Variants in PBX3 observed in about 807,000 individuals in gnomAD.
The protein encoded by PBX3 is pre-B-cell leukemia transcription factor 3.
Under a neutral mutation model 48.5 loss-of-function variants are expected in PBX3, and 14 were observed. The observed-to-expected ratio is 0.29, with a 90% CI of 0.19 to 0.45. PBX3 has a LOEUF of 0.45. PBX3 is among the 20% of genes least tolerant of loss of function. PBX3 has a pLI of 1.00. For missense variants in PBX3, 386 were observed against 546.7 expected (o/e 0.71, Z 2.93); for synonymous variants, 210 against 200.3 (o/e 1.05, Z -0.41).
At position 125,965,742 on chromosome 9, in the gene PBX3, T is replaced by C. The variant is rs1410012152; in HGVS notation, c.1213-89T>C. 7 of 957,958 alleles carry C rather than the reference T, an allele frequency of 7.3e-6. No individual in the cohort carries two copies. In the East Asian group the frequency reaches 1.7e-4, roughly 23 times the overall value. The allele number at this position is 957,958 out of a possible 1,614,324, so 59.3% of individuals were successfully genotyped here. A position where few individuals can be genotyped will look rare whatever the true frequency, so the allele number is the denominator to read the frequency against. ...AAAATACATTTTGCTAATGCATCTC[T>C]GCTCTCATGTTGTCATCCGGGTGTT... is the stretch of plus-strand genomic sequence containing the variant. On this transcript the variant is annotated intron_variant, in intron 8 of 8. Coordinates refer to ENST00000373489, the MANE Select transcript of PBX3 (RefSeq NM_006195.6).
At chr9:125,810,290 G>A (rs186109344) in intron 2 of PBX3, among the ~76,000 whole-genome samples, 49 of 152,048 alleles carry the variant, frequency 3.2e-4, no homozygotes, top group Non-Finnish European at 1.5e-5. Flanking sequence ...TTCTCAAGGG[G>A]CTTACAATTT....
At chr9:125,796,639 T>A (rs1352763617) in intron 2 of PBX3, among the ~76,000 whole-genome samples, 1 of 152,184 alleles carries the variant, frequency 6.6e-6, no homozygotes, top group Non-Finnish European at 1.5e-5. Context: ...TATTTCCCTC[T>A]CCTTCTTTAA....
intron 2 of PBX3, among the ~76,000 whole-genome samples, chr9:125,750,287 C>T (rs756949947): frequency 1.1e-4 from 16 of 152,168 alleles, no homozygotes; most frequent in Non-Finnish European, 2.1e-4. Context: ...ATACTTATCG[C>T]TTCTCATCCC....
chr9:125,803,224 A>C (rs139141241), intron 2 of PBX3, among the ~76,000 whole-genome samples: 422 of 149,698 alleles, frequency 2.8e-3, no homozygotes, highest in African/African-American at 0.01. Context: ...AGTAGTTAGG[A>C]TTATAGGCAC....
intron 2 of PBX3, chr9:125,748,890 G>T (rs1836287283): frequency 3.0e-6 from 1 of 329,660 alleles, no homozygotes; most frequent in Non-Finnish European, 5.7e-6. Context: ...GCGGGGAGGG[G>T]GCCCGGAGCG....
intron 8 of PBX3, among the ~76,000 whole-genome samples, chr9:125,964,512 CT>C (rs3051317): frequency 2.0e-3 from 294 of 146,600 alleles, no homozygotes; most frequent in African/African-American, 6.3e-3. Context: ...ACCACCATAG[CT>C]TTTTTTTTTT....
rs1159400143 is a variant in PBX3, at chr9:125,780,647, C to T, written c.274+32024C>T. ...GCGGCTGGCCGGGCGGGGGGCTGAC[C>T]CCCCCACCTCCCTCCCGGATGGGGC... On this transcript the variant is annotated intron_variant, in intron 2 of 8. Transcript: ENST00000373489. Among the ~76,000 whole-genome samples, 12 of 126,998 alleles carry T rather than the reference C, an allele frequency of 9.4e-5. No homozygotes were observed. The South Asian group carries it at 2.3e-3, about 24-fold the overall frequency. 83.3% of individuals were successfully genotyped at this position (126,998 alleles called of 152,430 possible). A position where few individuals can be genotyped will look rare whatever the true frequency, so the allele number is the denominator to read the frequency against.
At chr9:125,922,304 A>G (rs1364764029) in intron 3 of PBX3, among the ~76,000 whole-genome samples, 1 of 152,180 alleles carries the variant, frequency 6.6e-6, no homozygotes, top group Non-Finnish European at 1.5e-5. Flanking sequence ...AATGGTTTTA[A>G]CAGATGAAAT....
intron 5 of PBX3, among the ~76,000 whole-genome samples, chr9:125,936,982 T>C (rs1464590244): frequency 2.0e-5 from 3 of 152,138 alleles, no homozygotes; most frequent in Non-Finnish European, 4.4e-5. Context: ...TGAACATTAG[T>C]GAAAGGATTA....
chr9:125,826,836 G>A (rs916397616), intron 2 of PBX3, among the ~76,000 whole-genome samples: 3 of 151,978 alleles, frequency 2.0e-5, no homozygotes, highest in African/African-American at 7.2e-5. Context: ...AGTATTTAAG[G>A]TATCCATCAC....
intron 2 of PBX3, among the ~76,000 whole-genome samples, chr9:125,803,083 A>G (rs1011137234): frequency 7.2e-6 from 1 of 139,430 alleles, no homozygotes; most frequent in Admixed American, 7.2e-5. Flanking sequence ...GATTTTTCCC[A>G]CTAATGTCTT....
At chr9:125,960,995 A>G in intron 6 of PBX3, 146 bp downstream of exon 6, 1 of 818,846 alleles carries the variant, frequency 1.2e-6, no homozygotes, top group East Asian at 2.7e-5. Context: ...CTTGTTCTTG[A>G]GATGGGTGAA....
chr9:125,828,996 G>A (rs1838883621), intron 2 of PBX3, among the ~76,000 whole-genome samples: 1 of 152,134 alleles, frequency 6.6e-6, no homozygotes, highest in African/African-American at 2.4e-5. Context: ...TCCCCTGAGA[G>A]GTTTTTTGAT....
At chr9:125,765,680 A>G (rs1268328348) in intron 2 of PBX3, among the ~76,000 whole-genome samples, 1 of 152,220 alleles carries the variant, frequency 6.6e-6, no homozygotes, top group Non-Finnish European at 1.5e-5. Context: ...AACTGAAAAT[A>G]TATTTCATCT....
intron 2 of PBX3, among the ~76,000 whole-genome samples, chr9:125,910,473 A>T (rs994602266): frequency 7.2e-5 from 11 of 152,006 alleles, no homozygotes; most frequent in African/African-American, 2.7e-4. Context: ...TTAACTGAAA[A>T]GCCTTGTAAA....
At chr9:125,822,592 C>A (rs1197058166) in intron 2 of PBX3, among the ~76,000 whole-genome samples, 1 of 152,050 alleles carries the variant, frequency 6.6e-6, no homozygotes, top group Non-Finnish European at 1.5e-5. Context: ...CCTGAGCATA[C>A]CGTTTATTCA....
chr9:125,897,371 A>G (rs1840799771), intron 2 of PBX3, among the ~76,000 whole-genome samples: 1 of 151,874 alleles, frequency 6.6e-6, no homozygotes, highest in Admixed American at 6.6e-5. Context: ...TTGTTATGCC[A>G]TCCAATCAAA....
intron 3 of PBX3, among the ~76,000 whole-genome samples, chr9:125,920,890 T>C (rs544150309): frequency 2.6e-5 from 4 of 152,338 alleles, no homozygotes; most frequent in African/African-American, 9.6e-5. Context: ...TTTAAACTAC[T>C]GTAAAAGCAT....
At chr9:125,853,672 G>T (rs1338009349) in intron 2 of PBX3, among the ~76,000 whole-genome samples, 3 of 152,182 alleles carry the variant, frequency 2.0e-5, no homozygotes, top group Admixed American at 2.0e-4. Flanking sequence ...GATTGAAGTT[G>T]AAAATTTAGA....
Sources: gnomAD v4.1 joint callset for allele counts (sites outside exome capture counted in the v4.1 genomes callset) on GRCh38, gnomAD v4.1.1 for gene constraint, MANE v1.5 for transcripts, NCBI Gene and HGNC (gene_info 2026-07-23, HGNC 2026-07-21) for gene names.